CLSTN2: variants seen among roughly 807,000 people sequenced by gnomAD.
The protein encoded by CLSTN2 is calsyntenin-2.
Under a neutral mutation model 101.2 loss-of-function variants are expected in CLSTN2, and 48 were observed. That is an observed-to-expected ratio of 0.47 (90% CI 0.38 to 0.60). CLSTN2 has a LOEUF of 0.60. CLSTN2 is among the 20% of genes least tolerant of loss of function. CLSTN2 has a pLI of 0.00. For synonymous variants in CLSTN2, 481 were observed against 463.6 expected (o/e 1.04, Z -0.48); for missense variants, 1,160 against 1,238.2 (o/e 0.94, Z 0.95).
chr3:140,316,783 C>A (rs890383301), intron 2 of CLSTN2, among the ~76,000 whole-genome samples: 2 of 152,186 alleles, frequency 1.3e-5, no homozygotes, highest in African/African-American at 4.8e-5. Flanking sequence ...ATATTCTAAT[C>A]TGTCACTGTG....
chr3:139,952,687 C>G (rs1935314405), intron 1 of CLSTN2, among the ~76,000 whole-genome samples: 1 of 152,180 alleles, frequency 6.6e-6, no homozygotes. Flanking sequence ...TCTTGCATCT[C>G]TTTGCCATTT....
At chr3:140,364,249 G>C (rs1341333690) in intron 2 of CLSTN2, among the ~76,000 whole-genome samples, 2 of 152,130 alleles carry the variant, frequency 1.3e-5, no homozygotes, top group Non-Finnish European at 2.9e-5. Context: ...ACCTTCTGGA[G>C]GGGACCCTGG....
At chr3:140,346,611 GAAA>G (rs1559845110) in intron 2 of CLSTN2, among the ~76,000 whole-genome samples, 1 of 152,204 alleles carries the variant, frequency 6.6e-6, no homozygotes, top group Non-Finnish European at 1.5e-5. Flanking sequence ...CAAATATACA[GAAA>G]CTCTGGACAA....
chr3:140,276,118 A>G (rs1335427431), intron 2 of CLSTN2, among the ~76,000 whole-genome samples: 1 of 152,168 alleles, frequency 6.6e-6, no homozygotes, highest in Non-Finnish European at 1.5e-5. Context: ...TTCCACCCAG[A>G]GAGCAAAGAA....
intron 1 of CLSTN2, among the ~76,000 whole-genome samples, chr3:140,154,906 G>A (rs1474443210): frequency 6.6e-6 from 1 of 152,042 alleles, no homozygotes; most frequent in Admixed American, 6.5e-5. Flanking sequence ...AGCCTGGGAA[G>A]TACCACACTT....
At chr3:139,966,766 T>C (rs1213753243) in intron 1 of CLSTN2, among the ~76,000 whole-genome samples, 1 of 152,016 alleles carries the variant, frequency 6.6e-6, no homozygotes, top group Non-Finnish European at 1.5e-5. Context: ...ATGGACTGAG[T>C]GAAGGGAAGG....
chr3:140,531,121 T>C (rs967847002), intron 8 of CLSTN2, among the ~76,000 whole-genome samples: 1 of 152,072 alleles, frequency 6.6e-6, no homozygotes, highest in African/African-American at 2.4e-5. Flanking sequence ...CAGGGTTTGG[T>C]CCAGGGCACC....
intron 7 of CLSTN2, chr3:140,461,233 T>C (rs1036368725): frequency 6.6e-6 from 1 of 152,212 alleles, no homozygotes; most frequent in Non-Finnish European, 1.5e-5. Flanking sequence ...CAAGTCTATG[T>C]AGAAGTCAGT....
chr3:139,991,783 T>C (rs1196126766), intron 1 of CLSTN2, among the ~76,000 whole-genome samples: 2 of 152,246 alleles, frequency 1.3e-5, no homozygotes, highest in African/African-American at 2.4e-5. Flanking sequence ...ATGAAAAGTC[T>C]AAGTGTGAAC....
intron 2 of CLSTN2, among the ~76,000 whole-genome samples, chr3:140,336,576 C>T (rs192620529): frequency 6.2e-4 from 94 of 152,252 alleles, no homozygotes; most frequent in African/African-American, 2.1e-3. Context: ...TCTGGGGCTC[C>T]GTCTGTCATA....
At position 140,564,122 on chromosome 3, in the gene CLSTN2, A is replaced by T; in HGVS notation, c.2644A>T (p.Thr882Ser). The T allele has an allele frequency of 6.2e-7, 1 of 1,613,916 alleles. No individual in the cohort carries two copies. Among genetic ancestry groups the T allele is most frequent in the Non-Finnish European group, 8.5e-7 (1 of 1,179,952 alleles). The stretch of plus-strand genomic sequence containing the variant: ...GATGGACTGGGACGATTCTGCGCTG[A>T]CTATCACAGTCAACCCCATGGAGGT... The part of the protein sequence containing the change: ...SEMDWDDSAL[T>S]ITVNPMEKHE... Residue 882 changes from threonine (T) to serine (S), a missense_variant, in exon 16 of 17, where the codon ACT (threonine) becomes TCT (serine). By Grantham distance (58) the Thr-to-Ser change is moderately conservative. Coordinates refer to ENST00000458420, the MANE Select transcript of CLSTN2 (RefSeq NM_022131.3).
intron 9 of CLSTN2, among the ~76,000 whole-genome samples, chr3:140,540,411 C>T (rs577819581): frequency 4.6e-5 from 7 of 152,036 alleles, no homozygotes; most frequent in African/African-American, 1.2e-4. Context: ...TTGTGTGGAC[C>T]GAGTTTTAAA....
Position 140,570,939 on chromosome 3 carries a change from AT to A in CLSTN2, c.*4688del, listed in dbSNP as rs1452218386. 1.3e-5 allele frequency: 2 copies of A among 152,266 alleles called. No individual in the cohort carries two copies. The highest frequency in any genetic ancestry group is 2.4e-5 in the African/African-American group (1 of 41,466). 9.4% of individuals were successfully genotyped at this position (152,266 alleles called of 1,614,324 possible). ...ACAGGAAAAAGTGCCATAGTTTTTA[AT>A]TAAGCTGTTTTAAAAGTCCATGTTC... On this transcript the variant is annotated 3_prime_UTR_variant, in exon 17 of 17. Transcript: ENST00000458420.
intron 1 of CLSTN2, among the ~76,000 whole-genome samples, chr3:139,980,901 G>C (rs1005074940): frequency 6.6e-6 from 1 of 152,080 alleles, no homozygotes; most frequent in Non-Finnish European, 1.5e-5. Context: ...CCACAAAAGT[G>C]GTCCACACTG....
At chr3:140,024,933 A>C (rs1338563732) in intron 1 of CLSTN2, among the ~76,000 whole-genome samples, 6 of 152,306 alleles carry the variant, frequency 3.9e-5, no homozygotes, top group Admixed American at 2.6e-4. Flanking sequence ...CAGGGATTTG[A>C]CTTTTTAGTG....
chr3:140,421,750 A>T (rs2088508489), intron 5 of CLSTN2, among the ~76,000 whole-genome samples: 1 of 152,138 alleles, frequency 6.6e-6, no homozygotes, highest in African/African-American at 2.4e-5. Flanking sequence ...AATGTATAAA[A>T]TGTTGACTCT....
chr3:140,278,348 G>C (rs970154237), intron 2 of CLSTN2, among the ~76,000 whole-genome samples: 2 of 17,946 alleles, frequency 1.1e-4, no homozygotes, highest in African/African-American at 1.9e-4. Context: ...TTTTCTCCAG[G>C]GCTCAACACT....
In CLSTN2 at chr3:140,575,209, G is replaced by C. The variant is rs1985695976; in HGVS notation, c.*8956G>C. 1 of 152,202 alleles carries C rather than the reference G, an allele frequency of 6.6e-6. No homozygotes were observed. Among genetic ancestry groups the C allele is most frequent in the South Asian group, 2.1e-4 (1 of 4,828 alleles). 9.4% of individuals were successfully genotyped at this position (152,202 alleles called of 1,614,324 possible). ...TGGCGTGGAGGAGAAATTTAGACTT[G>C]AAAGTCAGGGCTGATCACTCAAAAA... On this transcript the variant is annotated 3_prime_UTR_variant, in exon 17 of 17. Transcript: ENST00000458420.
At chr3:140,436,283 G>GT (rs1173727434) in intron 5 of CLSTN2, among the ~76,000 whole-genome samples, 1 of 152,198 alleles carries the variant, frequency 6.6e-6, no homozygotes, top group Non-Finnish European at 1.5e-5. Context: ...ATGGGGTCTA[G>GT]TTTCATTCTT....
Sources: gnomAD v4.1 joint callset for allele counts (sites outside exome capture counted in the v4.1 genomes callset) on GRCh38, gnomAD v4.1.1 for gene constraint, MANE v1.5 for transcripts, NCBI Gene and HGNC (gene_info 2026-07-23, HGNC 2026-07-21) for gene names.